MEIS2: variants seen among roughly 807,000 people sequenced by gnomAD.
MEIS2 encodes homeobox protein Meis2.
Under a neutral mutation model 58.6 loss-of-function variants are expected in MEIS2, and 9 were observed. The ratio of observed to expected loss-of-function variants is 0.15; its 90% confidence interval spans 0.09 to 0.27. MEIS2 has a LOEUF of 0.27. Ranked by LOEUF, MEIS2 falls within the 10% of genes least tolerant of loss-of-function variation. The pLI is 1.00. For missense variants in MEIS2, 427 were observed against 635.0 expected, an observed-to-expected ratio of 0.67 and a Z score of 3.52; for synonymous variants, 221 against 228.4, an observed-to-expected ratio of 0.97 and a Z score of 0.29.
At position 36,929,456 on chromosome 15, in the gene MEIS2, A is replaced by G. The variant is rs533571653; in HGVS notation, c.977+20868T>C. 2.6e-5 allele frequency among the ~76,000 whole-genome samples: 4 copies of G among 152,304 alleles called. No individual in the cohort carries two copies. In the East Asian group the frequency reaches 7.7e-4, roughly 29 times the overall value. On this transcript the variant is annotated intron_variant, in intron 9 of 11. Coordinates refer to ENST00000561208, the MANE Select transcript of MEIS2 (RefSeq NM_170675.5). ...CTGTATGGAGTTTCCCTACATTTTG[A>G]GATGAAATTTGTACGAGAGTATTGT...
At chr15:36,954,363 T>A (rs961262597) in intron 8 of MEIS2, among the ~76,000 whole-genome samples, 2 of 150,704 alleles carry the variant, frequency 1.3e-5, no homozygotes, top group African/African-American at 4.9e-5. Context: ...GAGTAGAAAC[T>A]TTTTGTTTAT....
chr15:36,970,260 C>T (rs1196298778), intron 8 of MEIS2, among the ~76,000 whole-genome samples: 2 of 151,932 alleles, frequency 1.3e-5, no homozygotes, highest in Non-Finnish European at 2.9e-5. Context: ...AAAAATTAGC[C>T]AGGCGTGGTG....
Position 36,892,177 on chromosome 15 carries a change from T to G in MEIS2, c.1430A>C (p.Gln477Pro), listed in dbSNP as rs758819750. ...TTTCCCTTGAGTTCCCTTATACTAT[T>G]GGGCATGAATGTCCATAACCTGTCC... is the stretch of plus-strand genomic sequence containing the variant. Reference protein sequence around the residue: ...VGGQVMDIHAQ With the variant: ...VGGQVMDIHAP Residue 477 changes from glutamine (Q) to proline (P), a missense_variant, in exon 12 of 12, where the codon CAA becomes CCA. By Grantham distance (76) the Gln-to-Pro change is moderately conservative. Coordinates refer to ENST00000561208, the MANE Select transcript of MEIS2 (RefSeq NM_170675.5). 7 of 1,614,206 alleles carry G rather than the reference T, an allele frequency of 4.3e-6. No individual in the cohort carries two copies. Among genetic ancestry groups the G allele is most frequent in the Non-Finnish European group, 5.9e-6 (7 of 1,180,012 alleles).
intron 9 of MEIS2, among the ~76,000 whole-genome samples, chr15:36,926,966 T>C (rs2057772926): frequency 6.6e-6 from 1 of 152,216 alleles, no homozygotes; most frequent in South Asian, 2.1e-4. Context: ...AGCATCTGAA[T>C]TGGCCATTTG....
intron 8 of MEIS2, among the ~76,000 whole-genome samples, chr15:36,988,686 T>C (rs1039436120): frequency 6.6e-6 from 1 of 152,240 alleles, no homozygotes; most frequent in African/African-American, 2.4e-5. Flanking sequence ...TATGGAAATA[T>C]CTTAAAACAA....
intron 8 of MEIS2, among the ~76,000 whole-genome samples, chr15:36,968,808 G>A (rs1360781692): frequency 6.6e-6 from 1 of 152,138 alleles, no homozygotes; most frequent in African/African-American, 2.4e-5. Flanking sequence ...TATAGAAACT[G>A]GGGGGTAAAG....
chr15:37,099,638 C>T lies in MEIS2; in HGVS notation c.-172G>A, dbSNP rs992642762. ...GGGAAAAAAAGCCCAGTCTAGACAACGAAGAATTTTTTTTTCTGTGATATT... is the reference window on the plus strand; with the variant it reads ...GGGAAAAAAAGCCCAGTCTAGACAATGAAGAATTTTTTTTTCTGTGATATT... On this transcript the variant is annotated 5_prime_UTR_variant, in exon 1 of 12. Transcript: ENST00000561208. 6 of 855,818 alleles carry T rather than the reference C, an allele frequency of 7.0e-6. No individual in the cohort carries two copies. The highest frequency in any genetic ancestry group is 1.0e-5 in the Non-Finnish European group (6 of 593,152). 53.0% of individuals were successfully genotyped at this position (855,818 alleles called of 1,614,324 possible). A position where few individuals can be genotyped will look rare whatever the true frequency, so the allele number is the denominator to read the frequency against.
chr15:36,892,208 C>T lies in MEIS2; in HGVS notation c.1399G>A (p.Val467Ile). The T allele has an allele frequency of 6.2e-7, 1 of 1,614,202 alleles. No homozygotes were observed. Among genetic ancestry groups the T allele is most frequent in the East Asian group, 2.2e-5 (1 of 44,874 alleles). Residue 467 changes from valine to isoleucine, a missense_variant, in exon 12 of 12, where the codon GTT (valine) becomes ATT (isoleucine). Coordinates refer to ENST00000561208, the MANE Select transcript of MEIS2 (RefSeq NM_170675.5). ...TGAATGTCCATAACCTGTCCGCCAA[C>T]ATTGGGATCTACAGAATTTAACATT... ...PTMLNSVDPN[V>I]GGQVMDIHAQ
chr15:37,024,288 T>C (rs1177840893), intron 8 of MEIS2, among the ~76,000 whole-genome samples: 1 of 152,184 alleles, frequency 6.6e-6, no homozygotes, highest in Non-Finnish European at 1.5e-5. Context: ...TGGTCTGATG[T>C]CTTTATCTCT....
At chr15:37,013,037 A>G (rs540711681) in intron 8 of MEIS2, among the ~76,000 whole-genome samples, 39 of 152,198 alleles carry the variant, frequency 2.6e-4, no homozygotes, top group Non-Finnish European at 5.1e-4. Flanking sequence ...GGAGGGGACC[A>G]CACAAGAACG....
At chr15:36,980,823 T>C (rs2059907906) in intron 8 of MEIS2, among the ~76,000 whole-genome samples, 1 of 152,158 alleles carries the variant, frequency 6.6e-6, no homozygotes, top group Non-Finnish European at 1.5e-5. Context: ...TTTTGGTATG[T>C]GCCTATACTG....
intron 4 of MEIS2, chr15:37,095,090 T>C: frequency 5.6e-6 from 1 of 178,234 alleles, no homozygotes; most frequent in Admixed American, 5.5e-5. Context: ...TTAAGTACTT[T>C]TAATATTGAA....
intron 3 of MEIS2, chr15:37,095,964 C>A: frequency 2.2e-6 from 1 of 451,156 alleles, no homozygotes; most frequent in South Asian, 3.0e-5. Flanking sequence ...CGGGCACTCC[C>A]GGGTCCCTCA....
chr15:37,022,817 C>T (rs4627296), intron 8 of MEIS2, among the ~76,000 whole-genome samples: 64,299 of 151,618 alleles, frequency 0.42, 15,772 homozygotes, highest in Admixed American at 0.55. Flanking sequence ...CCAGAACACC[C>T]GGCTAATTTT....
chr15:36,928,753 A>G (rs1163609644), intron 9 of MEIS2, among the ~76,000 whole-genome samples: 1 of 152,202 alleles, frequency 6.6e-6, no homozygotes, highest in East Asian at 1.9e-4. Flanking sequence ...AAAGAATGGT[A>G]TGATTAGAAC....
intron 8 of MEIS2, among the ~76,000 whole-genome samples, chr15:36,975,341 G>A: frequency 6.6e-6 from 1 of 152,032 alleles, no homozygotes; most frequent in African/African-American, 2.4e-5. Context: ...TTCCCAAAAG[G>A]CCTGTGACTG....
At chr15:37,063,143 A>G (rs1414198079) in intron 7 of MEIS2, among the ~76,000 whole-genome samples, 1 of 152,202 alleles carries the variant, frequency 6.6e-6, no homozygotes, top group Non-Finnish European at 1.5e-5. Flanking sequence ...AGCTTTCAGA[A>G]TGAGGGAACA....
intron 7 of MEIS2, among the ~76,000 whole-genome samples, chr15:37,064,837 A>G (rs1275650095): frequency 6.6e-6 from 1 of 152,194 alleles, no homozygotes; most frequent in Non-Finnish European, 1.5e-5. Context: ...AAAAATCAAC[A>G]AACAACTACA....
chr15:37,098,757 A>T (rs1271840949), intron 1 of MEIS2: 1 of 404,554 alleles, frequency 2.5e-6, no homozygotes, highest in Non-Finnish European at 3.3e-6. Flanking sequence ...GATCCAATAA[A>T]TCAAAAGGCG....
Sources: gnomAD v4.1 joint callset for allele counts (sites outside exome capture counted in the v4.1 genomes callset) on GRCh38, gnomAD v4.1.1 for gene constraint, MANE v1.5 for transcripts, NCBI Gene and HGNC (gene_info 2026-07-23, HGNC 2026-07-21) for gene names.